Variants in REPS2 observed in about 807,000 individuals in gnomAD.
REPS2 encodes ralBP1-associated Eps domain-containing protein 2.
A neutral mutation model predicts 53.6 loss-of-function variants in REPS2; 23 were observed. That is an observed-to-expected ratio of 0.43 (90% CI 0.31 to 0.61). The LOEUF is 0.61. Among genes scored for constraint, REPS2 ranks in the 20% least tolerant of loss-of-function variants. The pLI is 0.11. For missense variants in REPS2, 446 were observed against 534.9 expected, an observed-to-expected ratio of 0.83 and a Z score of 1.64; for synonymous variants, 238 against 218.6, an observed-to-expected ratio of 1.09 and a Z score of -0.78.
At chrX:17,047,505 C>T in intron 6 of REPS2, 23 bp downstream of exon 6, 6 of 1,203,974 alleles carry the variant, frequency 5.0e-6, no homozygotes, top group Non-Finnish European at 6.7e-6. Context: ...GCTCCCTAGG[C>T]ATCACTCTCA....
At position 17,063,547 on chromosome X, in the gene REPS2, G is replaced by A. The variant is rs2062185469; in HGVS notation, c.1209+1015G>A. On this transcript the variant is annotated intron_variant, in intron 9 of 17. Coordinates refer to ENST00000357277, the MANE Select transcript of REPS2 (RefSeq NM_004726.3). ...TGCCATTTTGCTTCTCTTTCTTTGA[G>A]TTGTGTCCTCCATGGTACTTTCCTC... 4.5e-5 allele frequency among the ~76,000 whole-genome samples: 5 copies of A among 111,931 alleles called. No homozygotes were observed. In the Admixed American group the frequency reaches 4.7e-4, roughly 11 times the overall value.
intron 13 of REPS2, among the ~76,000 whole-genome samples, chrX:17,100,781 A>C (rs2062782965): frequency 8.9e-6 from 1 of 111,887 alleles, no homozygotes. Flanking sequence ...AGCTGCTCTT[A>C]GTATTTGTTT....
intron 8 of REPS2, among the ~76,000 whole-genome samples, chrX:17,059,561 G>A (rs1425643137): frequency 9.1e-6 from 1 of 109,654 alleles, no homozygotes; most frequent in Non-Finnish European, 1.9e-5. Flanking sequence ...TCTGCCTCCC[G>A]GGTTCAAGCA....
intron 14 of REPS2, 117 bp from the exon 15 acceptor site, chrX:17,133,707 C>A: frequency 1.6e-6 from 1 of 618,302 alleles, no homozygotes. Flanking sequence ...GCATTCTTGG[C>A]TGCAACTTGG....
intron 14 of REPS2, among the ~76,000 whole-genome samples, chrX:17,113,699 T>C (rs2063009054): frequency 9.0e-6 from 1 of 111,166 alleles, no homozygotes; most frequent in Non-Finnish European, 1.9e-5. Context: ...GAAATGGCCA[T>C]AGTGATAAGT....
At chrX:17,001,321 A>AC (rs2061304576) in intron 1 of REPS2, among the ~76,000 whole-genome samples, 2 of 112,758 alleles carry the variant, frequency 1.8e-5, no homozygotes, top group African/African-American at 3.2e-5. Flanking sequence ...TGCAATCAGT[A>AC]CCAATGGTGG....
chrX:17,030,174 C>T (rs1255248919), intron 5 of REPS2, among the ~76,000 whole-genome samples: 1 of 111,848 alleles, frequency 8.9e-6, no homozygotes, highest in African/African-American at 3.3e-5. Context: ...CTGGCTATAC[C>T]ACAGCTTAGA....
chrX:17,182,132 C>CTCTGTCTGTCTA, the REPS2 span, among the ~76,000 whole-genome samples: 1 of 90,446 alleles, frequency 1.1e-5, no homozygotes, highest in East Asian at 3.7e-4. Context: ...ACCTAGTGTG[C>CTCTGTCTGTCTA]TCTATCTGTC....
the REPS2 span, among the ~76,000 whole-genome samples, chrX:17,186,896 C>A: frequency 2.7e-5 from 3 of 110,240 alleles, no homozygotes; most frequent in Non-Finnish European, 5.7e-5. Flanking sequence ...AAATGGGAAC[C>A]ATGTATAATG....
chrX:17,171,365 A>G, the REPS2 span, among the ~76,000 whole-genome samples: 886 of 111,672 alleles, frequency 7.9e-3, 9 homozygotes, highest in African/African-American at 0.028. Context: ...GCCAGTTCCA[A>G]CCACCCCATG....
At chrX:17,177,049 C>A in the REPS2 span, among the ~76,000 whole-genome samples, 2 of 111,994 alleles carry the variant, frequency 1.8e-5, no homozygotes, top group African/African-American at 6.5e-5. Flanking sequence ...TTTTTCACAG[C>A]TGCTAATTCT....
intron 7 of REPS2, among the ~76,000 whole-genome samples, chrX:17,053,967 A>C (rs2062034404): frequency 8.9e-6 from 1 of 112,142 alleles, no homozygotes; most frequent in African/African-American, 3.2e-5. Context: ...TTCTAGAATA[A>C]TTTTGTATTT....
At chrX:17,103,596 A>G in intron 13 of REPS2, 122 bp from the exon 14 acceptor site, 2 of 584,307 alleles carry the variant, frequency 3.4e-6, no homozygotes, top group Non-Finnish European at 5.7e-6. Context: ...CTTCAGAAGG[A>G]CTGTAAAAAC....
chrX:17,001,527 A>G (rs774008083), intron 1 of REPS2, among the ~76,000 whole-genome samples: 2 of 112,215 alleles, frequency 1.8e-5, no homozygotes, highest in Admixed American at 1.9e-4. Context: ...ACCAAGGGGG[A>G]TTGTTCTAGA....
Position 16,966,402 on chromosome X carries a change from G to T in REPS2, c.273+19268G>T, listed in dbSNP as rs749537840. On this transcript the variant is annotated intron_variant, in intron 1 of 17. Transcript: ENST00000357277. ...GGGACCAGAAGTGTTTTGGATTTTGGATTTTTTCAGACTTTGGAATATTTG... is the reference window on the plus strand; with the variant it reads ...GGGACCAGAAGTGTTTTGGATTTTGTATTTTTTCAGACTTTGGAATATTTG... Among the ~76,000 whole-genome samples, 190 of 111,969 alleles carry T rather than the reference G, an allele frequency of 1.7e-3. 2 individuals carry two copies. Among genetic ancestry groups the T allele is most frequent in the African/African-American group, 8.1e-4 (25 of 30,881 alleles).
intron 8 of REPS2, among the ~76,000 whole-genome samples, chrX:17,059,459 G>A (rs1332333583): frequency 5.5e-5 from 6 of 109,481 alleles, no homozygotes; most frequent in African/African-American, 2.0e-4. Flanking sequence ...AGACAAGCTT[G>A]TTTTCTAAAA....
intron 2 of REPS2, among the ~76,000 whole-genome samples, chrX:17,008,461 T>G (rs1443590919): frequency 8.9e-6 from 1 of 112,114 alleles, no homozygotes; most frequent in African/African-American, 3.2e-5. Context: ...GATTAACAGT[T>G]TATCACAAAT....
chrX:17,057,703 CGTCTT>C (rs1440371404), intron 8 of REPS2, among the ~76,000 whole-genome samples: 6 of 112,594 alleles, frequency 5.3e-5, no homozygotes, highest in Admixed American at 1.9e-4. Context: ...TTCTCTCCCT[CGTCTT>C]GTCTTGTCTT....
In REPS2 at chrX:17,068,844, A is replaced by C. The variant is rs182307227; in HGVS notation, c.1279+373A>C. ...TAAATGCACATTTGCATACAGCTCT[A>C]ATCCATGAGGAAGTTCTCTTCTGGA... On this transcript the variant is annotated intron_variant, in intron 10 of 17. Transcript: ENST00000357277. 4.4e-5 allele frequency among the ~76,000 whole-genome samples: 5 copies of C among 112,846 alleles called. No individual in the cohort carries two copies. In the East Asian group the frequency reaches 1.1e-3, roughly 25 times the overall value.
Sources: allele counts gnomAD v4.1 joint callset (sites outside exome capture counted in the v4.1 genomes callset), GRCh38; gene constraint gnomAD v4.1.1; transcripts MANE v1.5; gene names NCBI Gene and HGNC (gene_info 2026-07-23, HGNC 2026-07-21).